Variants in NUP62CL observed in about 807,000 individuals in gnomAD.
NUP62CL encodes the protein nucleoporin-62 C-terminal-like protein.
In NUP62CL, 13 loss-of-function variants were observed where a neutral mutation model predicts 15.3. The ratio of observed to expected loss-of-function variants is 0.85; its 90% CI spans 0.55 to 1.35. NUP62CL has a LOEUF of 1.35. Among genes scored for constraint, NUP62CL ranks in the 40% most tolerant of loss-of-function variants. NUP62CL has a pLI of 0.00. For missense variants in NUP62CL, 123 were observed against 130.6 expected, an observed-to-expected ratio of 0.94 and a Z score of 0.28; for synonymous variants, 54 against 49.2, an observed-to-expected ratio of 1.10 and a Z score of -0.41.
intron 8 of NUP62CL, among the ~76,000 whole-genome samples, chrX:107,127,309 G>T (rs1052557114): frequency 5.4e-5 from 6 of 111,658 alleles, no homozygotes; most frequent in Non-Finnish European, 9.4e-5. Flanking sequence ...TAGAAATGGG[G>T]AATAACTGCA....
At chrX:107,125,213 A>T (rs1394127138) in intron 8 of NUP62CL, among the ~76,000 whole-genome samples, 1 of 111,669 alleles carries the variant, frequency 9.0e-6, no homozygotes, top group East Asian at 2.8e-4. Context: ...TTTCTTCCTT[A>T]TGATTTTCTT....
At chrX:107,152,373 G>A (rs959820901) in intron 7 of NUP62CL, among the ~76,000 whole-genome samples, 7 of 107,957 alleles carry the variant, frequency 6.5e-5, no homozygotes, top group African/African-American at 2.4e-4. Context: ...TACAAAAGCA[G>A]AAACTGATTT....
At chrX:107,168,056 C>A (rs2051094) in intron 3 of NUP62CL, among the ~76,000 whole-genome samples, 26,370 of 110,400 alleles carry the variant, frequency 0.24, 2,589 homozygotes, top group East Asian at 0.47. Context: ...AATCAATCCT[C>A]AAAATTCTTC....
At chrX:107,190,571 A>G (rs921487551) in intron 2 of NUP62CL, among the ~76,000 whole-genome samples, 3 of 111,843 alleles carry the variant, frequency 2.7e-5, no homozygotes, top group African/African-American at 9.8e-5. Context: ...TATATTCATC[A>G]ATAACACTAA....
At chrX:107,136,937 G>A (rs1002871022) in intron 8 of NUP62CL, among the ~76,000 whole-genome samples, 3 of 111,344 alleles carry the variant, frequency 2.7e-5, no homozygotes, top group Non-Finnish European at 5.7e-5. Flanking sequence ...GTGGTGGCAC[G>A]TCTGTAATCC....
At chrX:107,174,996 T>C (rs1472315261) in intron 3 of NUP62CL, 93 bp downstream of exon 3, 16 of 674,304 alleles carry the variant, frequency 2.4e-5, no homozygotes, top group Non-Finnish European at 3.8e-5. Context: ...ATAATGATAA[T>C]TTCTGAGACA....
chrX:107,124,861 A>G (rs1925351880), intron 8 of NUP62CL, among the ~76,000 whole-genome samples: 1 of 111,904 alleles, frequency 8.9e-6, no homozygotes, highest in Admixed American at 9.5e-5. Context: ...CTGTTGAAGT[A>G]AGCATGATAC....
intron 4 of NUP62CL, among the ~76,000 whole-genome samples, chrX:107,155,186 G>A (rs929507317): frequency 1.8e-5 from 2 of 112,222 alleles, no homozygotes; most frequent in African/African-American, 3.2e-5. Flanking sequence ...GGCAAAGAGC[G>A]CCTAGTCAGT....
chrX:107,151,001 A>C (rs752464053), intron 7 of NUP62CL: 2 of 338,706 alleles, frequency 5.9e-6, no homozygotes, highest in African/African-American at 5.3e-5. Flanking sequence ...GGATTAACAA[A>C]AAGTGTTTTC....
intron 1 of NUP62CL, among the ~76,000 whole-genome samples, chrX:107,198,930 T>C (rs776888624): frequency 6.2e-4 from 70 of 112,532 alleles, no homozygotes; most frequent in Non-Finnish European, 1.2e-3. Flanking sequence ...TTTCAAACTA[T>C]AATTTTAAAA....
chrX:107,137,236 C>T (rs1234217264), intron 8 of NUP62CL, among the ~76,000 whole-genome samples: 3 of 111,065 alleles, frequency 2.7e-5, no homozygotes, highest in Non-Finnish European at 5.7e-5. Flanking sequence ...AGGGGAATTA[C>T]CTCAACTTGA....
At chrX:107,187,713 G>A (rs755003912) in intron 2 of NUP62CL, among the ~76,000 whole-genome samples, 52 of 112,544 alleles carry the variant, frequency 4.6e-4, no homozygotes, top group African/African-American at 1.6e-3. Flanking sequence ...CTGATTTTTG[G>A]GAAGATCTAT....
chrX:107,157,707 G>A (rs1371519558), intron 4 of NUP62CL, among the ~76,000 whole-genome samples: 1 of 109,587 alleles, frequency 9.1e-6, no homozygotes, highest in South Asian at 4.1e-4. Context: ...AGACTAGGAA[G>A]AAACTGCATC....
At chrX:107,171,785 T>C (rs761131621) in intron 3 of NUP62CL, among the ~76,000 whole-genome samples, 59 of 110,882 alleles carry the variant, frequency 5.3e-4, no homozygotes, top group Non-Finnish European at 1.0e-3. Context: ...ATTTGAGACT[T>C]ATATAGATAA....
At chrX:107,162,186 A>G (rs1020479485) in intron 4 of NUP62CL, among the ~76,000 whole-genome samples, 1 of 111,233 alleles carries the variant, frequency 9.0e-6, no homozygotes, top group Admixed American at 9.6e-5. Context: ...TTTACAGAAA[A>G]CAAAGAAAAA....
chrX:107,190,250 T>C (rs1021422236), intron 2 of NUP62CL, among the ~76,000 whole-genome samples: 7 of 112,235 alleles, frequency 6.2e-5, no homozygotes, highest in Non-Finnish European at 1.3e-4. Context: ...TATTGCATCA[T>C]ATAATATTCT....
At chrX:107,131,791 A>T (rs1371985465) in intron 8 of NUP62CL, 8 of 1,125,889 alleles carry the variant, frequency 7.1e-6, no homozygotes, top group Non-Finnish European at 9.8e-6. Context: ...TGAGAGGCCC[A>T]TTCTGCAAGT....
chrX:107,139,717 C>T (rs976707993), intron 8 of NUP62CL, among the ~76,000 whole-genome samples: 1 of 111,879 alleles, frequency 8.9e-6, no homozygotes, highest in Non-Finnish European at 1.9e-5. Context: ...CAGTTATTGT[C>T]CAATCTACCT....
chrX:107,162,066 T>C (rs12390148), intron 4 of NUP62CL, among the ~76,000 whole-genome samples: 34,072 of 109,118 alleles, frequency 0.31, 5,124 homozygotes, highest in African/African-American at 0.57. Context: ...ATGAAACGTA[T>C]AGAACTGAAA....
Sources: gnomAD v4.1 joint callset for allele counts (sites outside exome capture counted in the v4.1 genomes callset) on GRCh38, gnomAD v4.1.1 for gene constraint, MANE v1.5 for transcripts, NCBI Gene and HGNC (gene_info 2026-07-23, HGNC 2026-07-21) for gene names.